PDE4B: variants seen among roughly 807,000 people sequenced by gnomAD.
The protein encoded by PDE4B is phosphodiesterase 4B, also known as 3',5'-cyclic-AMP phosphodiesterase 4B.
A neutral mutation model predicts 82.2 loss-of-function variants in PDE4B; 20 were observed. The observed-to-expected ratio is 0.24, with a 90% CI of 0.17 to 0.35. PDE4B has a LOEUF of 0.35. PDE4B is among the 10% of genes least tolerant of loss of function. PDE4B has a pLI of 1.00. For synonymous variants in PDE4B, 320 were observed against 318.9 expected, an observed-to-expected ratio of 1.00 and a Z score of -0.04; for missense variants, 655 against 907.2, an observed-to-expected ratio of 0.72 and a Z score of 3.57.
At chr1:66,224,115 C>T (rs1398747497) in intron 3 of PDE4B, among the ~76,000 whole-genome samples, 1 of 152,118 alleles carries the variant, frequency 6.6e-6, no homozygotes, top group Non-Finnish European at 1.5e-5. Flanking sequence ...AGCATTTCCA[C>T]TTGATGCCTG....
intron 3 of PDE4B, among the ~76,000 whole-genome samples, chr1:66,177,868 C>T (rs1646966347): frequency 6.6e-6 from 1 of 152,038 alleles, no homozygotes; most frequent in Non-Finnish European, 1.5e-5. Flanking sequence ...GGAGTCGATA[C>T]AGGCTTTGGT....
chr1:66,110,740 T>A (rs1039820401), intron 3 of PDE4B, among the ~76,000 whole-genome samples: 2 of 151,972 alleles, frequency 1.3e-5, no homozygotes, highest in African/African-American at 2.4e-5. Flanking sequence ...ATATATATAA[T>A]GCGATTAAAC....
chr1:66,057,480 ATAT>A lies in PDE4B; in HGVS notation c.281+138649_281+138651del, dbSNP rs926067897. Among the ~76,000 whole-genome samples, 28 of 152,302 alleles carry A rather than the reference ATAT, an allele frequency of 1.8e-4. No individual in the cohort carries two copies. In the South Asian group the frequency reaches 3.1e-3, roughly 17 times the overall value. ...ATGGAAGCCTTTTTGAGGCTAATAC[ATAT>A]TATATTCGTTCATTTTCATGCTGCT... On this transcript the variant is annotated intron_variant, in intron 3 of 16. Transcript: ENST00000341517.
rs374678518 is a variant in PDE4B, at chr1:65,813,711, A to T, written c.-71+20463A>T. 2.8e-4 allele frequency among the ~76,000 whole-genome samples: 43 copies of T among 152,308 alleles called. No individual in the cohort carries two copies. In the East Asian group the frequency reaches 5.2e-3, roughly 18 times the overall value. On this transcript the variant is annotated intron_variant, in intron 1 of 16. Transcript: ENST00000341517. ...CCTTAATGGCAAATGGGTAGAAATT[A>T]TGATTTTTAAAGTAAAAGAGGAAAA...
At chr1:66,215,403 T>C (rs1352454340) in intron 3 of PDE4B, among the ~76,000 whole-genome samples, 1 of 152,158 alleles carries the variant, frequency 6.6e-6, no homozygotes, top group Admixed American at 6.5e-5. Flanking sequence ...TAGATGTTGA[T>C]GTTAGAACTC....
intron 3 of PDE4B, among the ~76,000 whole-genome samples, chr1:66,072,754 T>C (rs1191820106): frequency 6.6e-6 from 1 of 152,214 alleles, no homozygotes; most frequent in East Asian, 1.9e-4. Context: ...ACCTGCTAGG[T>C]TCTAGGAACA....
rs955113781 is a variant in PDE4B, at chr1:66,293,358, G to T, written c.634+27271G>T. Among the ~76,000 whole-genome samples, 3 of 151,410 alleles carry T rather than the reference G, an allele frequency of 2.0e-5. No homozygotes were observed. The East Asian group carries it at 5.8e-4, about 29-fold the overall frequency. ...CCCTCCCAAGCAAATATTTGCCGTG[G>T]TATTGTAGCTCGATGACTTATTTTT... On this transcript the variant is annotated intron_variant, in intron 7 of 16. Coordinates refer to ENST00000341517, the MANE Select transcript of PDE4B (RefSeq NM_002600.4).
chr1:66,249,063 G>T (rs1653553042), intron 4 of PDE4B, among the ~76,000 whole-genome samples: 1 of 152,162 alleles, frequency 6.6e-6, no homozygotes, highest in Non-Finnish European at 1.5e-5. Flanking sequence ...TTGCAAAGTG[G>T]CATCTCTACC....
intron 3 of PDE4B, among the ~76,000 whole-genome samples, chr1:66,218,182 A>G (rs1266430967): frequency 2.0e-5 from 3 of 152,092 alleles, no homozygotes; most frequent in African/African-American, 7.2e-5. Context: ...ATGCACTCCA[A>G]AATAGTAGCT....
intron 1 of PDE4B, among the ~76,000 whole-genome samples, chr1:65,870,351 C>T (rs1646559260): frequency 6.6e-6 from 1 of 152,074 alleles, no homozygotes; most frequent in Non-Finnish European, 1.5e-5. Flanking sequence ...TATCATTTCT[C>T]CAGTCTTTCA....
chr1:66,091,928 A>C (rs1645033500), intron 3 of PDE4B, among the ~76,000 whole-genome samples: 1 of 152,098 alleles, frequency 6.6e-6, no homozygotes, highest in South Asian at 2.1e-4. Context: ...GATATATCTA[A>C]TATCCATAAT....
chr1:65,914,799 G>A (rs1463854272), intron 2 of PDE4B, among the ~76,000 whole-genome samples: 1 of 152,114 alleles, frequency 6.6e-6, no homozygotes, highest in Non-Finnish European at 1.5e-5. Flanking sequence ...AAAAGAAGAG[G>A]AAGGTTGCCT....
intron 3 of PDE4B, among the ~76,000 whole-genome samples, chr1:65,970,505 G>A (rs1052497834): frequency 2.0e-5 from 3 of 151,964 alleles, no homozygotes; most frequent in African/African-American, 7.3e-5. Context: ...GTTTACAGTG[G>A]GTCTTATGAT....
chr1:66,258,694 G>A (rs1654449700), intron 6 of PDE4B, among the ~76,000 whole-genome samples: 1 of 152,118 alleles, frequency 6.6e-6, no homozygotes, highest in African/African-American at 2.4e-5. Context: ...ACACAGCAGG[G>A]CCAAAACCTG....
chr1:66,101,996 A>T (rs1329176481), intron 3 of PDE4B, among the ~76,000 whole-genome samples: 1 of 152,112 alleles, frequency 6.6e-6, no homozygotes, highest in African/African-American at 2.4e-5. Flanking sequence ...ATCCATCTTG[A>T]ATTAATTTTT....
intron 1 of PDE4B, among the ~76,000 whole-genome samples, chr1:65,860,857 G>A (rs1313901407): frequency 2.0e-5 from 3 of 152,150 alleles, no homozygotes; most frequent in Non-Finnish European, 4.4e-5. Context: ...TTTGAGAAAT[G>A]TCTGTTCATA....
intron 3 of PDE4B, among the ~76,000 whole-genome samples, chr1:65,985,542 C>G (rs1650911383): frequency 1.3e-5 from 2 of 152,022 alleles, no homozygotes; most frequent in South Asian, 4.2e-4. Flanking sequence ...ACAGCTATGT[C>G]CTTAATATTT....
chr1:66,075,836 A>T (rs1656401161), intron 3 of PDE4B, among the ~76,000 whole-genome samples: 1 of 152,042 alleles, frequency 6.6e-6, no homozygotes, highest in East Asian at 1.9e-4. Flanking sequence ...CTGAATATCT[A>T]AATTTTTATA....
chr1:66,255,864 G>C (rs1349857142), intron 4 of PDE4B, among the ~76,000 whole-genome samples: 1 of 152,162 alleles, frequency 6.6e-6, no homozygotes, highest in Admixed American at 6.5e-5. Flanking sequence ...TATGCAGCAA[G>C]TCATAAAATA....
Sources: allele counts gnomAD v4.1 joint callset (sites outside exome capture counted in the v4.1 genomes callset), GRCh38; gene constraint gnomAD v4.1.1; transcripts MANE v1.5; gene names NCBI Gene and HGNC (gene_info 2026-07-23, HGNC 2026-07-21).